Variants in SAMD5 observed in about 807,000 individuals in gnomAD.
The protein encoded by SAMD5 is sterile alpha motif domain-containing protein 5.
A neutral mutation model predicts 11.3 loss-of-function variants in SAMD5; 13 were observed. That is an observed-to-expected ratio of 1.15 (90% CI 0.75 to 1.83). The LOEUF is 1.83. Ranked by LOEUF, SAMD5 falls within the 40% of genes most tolerant of loss-of-function variation. The probability of loss-of-function intolerance (pLI) is 0.00; values close to 1 mark genes in which losing one functional copy is unlikely to be tolerated. For synonymous variants in SAMD5, 129 were observed against 111.3 expected, an observed-to-expected ratio of 1.16 and a Z score of -1.00; for missense variants, 255 against 239.1, an observed-to-expected ratio of 1.07 and a Z score of -0.44.
chr6:147,932,848 C>T, the SAMD5 span, among the ~76,000 whole-genome samples: 4 of 152,046 alleles, frequency 2.6e-5, no homozygotes, highest in African/African-American at 7.2e-5. Context: ...AATAGCCATT[C>T]GATGACTGAT....
the SAMD5 span, among the ~76,000 whole-genome samples, chr6:147,812,067 G>C: frequency 2.0e-5 from 3 of 152,168 alleles, no homozygotes; most frequent in African/African-American, 7.2e-5. Context: ...AAGAACCAAG[G>C]AGAGTCTCAG....
intron 1 of SAMD5, among the ~76,000 whole-genome samples, chr6:147,676,790 C>T (rs1022819005): frequency 1.6e-4 from 21 of 130,008 alleles, no homozygotes; most frequent in African/African-American, 5.7e-4. Flanking sequence ...GAGATTGCCA[C>T]GAGCAAAGCA....
At chr6:147,604,288 T>G (rs1663364072) in intron 1 of SAMD5, among the ~76,000 whole-genome samples, 1 of 152,086 alleles carries the variant, frequency 6.6e-6, no homozygotes, top group South Asian at 2.1e-4. Flanking sequence ...AAAAGTCTCA[T>G]TTTTAACATT....
At chr6:147,638,431 T>C (rs558665764) in intron 1 of SAMD5, among the ~76,000 whole-genome samples, 62 of 152,324 alleles carry the variant, frequency 4.1e-4, no homozygotes, top group African/African-American at 1.4e-3. Flanking sequence ...AATTACATTT[T>C]CTCCATCCAT....
rs73020122 is a variant in SAMD5, at chr6:147,508,708, T to G, written c.-221T>G. ...AGCAGCCAGTGCCTGCGAGCTCCGC[T>G]GCTGCTTGGGGAATTCACTTTGCTG... On this transcript the variant is annotated 5_prime_UTR_variant, in exon 1 of 2. Transcript: ENST00000367474. Among the ~76,000 whole-genome samples, 46,156 of 152,106 alleles carry G rather than the reference T, an allele frequency of 0.3. 7,272 individuals are homozygous for G. Among genetic ancestry groups the G allele is most frequent in the African/African-American group, 0.39 (16,110 of 41,506 alleles).
At chr6:147,893,004 G>A in the SAMD5 span, among the ~76,000 whole-genome samples, 5,832 of 152,048 alleles carry the variant, frequency 0.038, 383 homozygotes, top group African/African-American at 0.13. Context: ...CCTGAAGTCC[G>A]GAGTTCAAGA....
intron 1 of SAMD5, among the ~76,000 whole-genome samples, chr6:147,633,311 G>T (rs144502552): frequency 6.6e-6 from 1 of 152,062 alleles, no homozygotes; most frequent in African/African-American, 2.4e-5. Flanking sequence ...AAATTCCAGC[G>T]GGCACCGCCT....
At chr6:147,935,071 C>T in the SAMD5 span, among the ~76,000 whole-genome samples, 50,984 of 152,006 alleles carry the variant, frequency 0.34, 9,121 homozygotes, top group South Asian at 0.52. Flanking sequence ...AGGTTCGTAA[C>T]GTGCAATGTG....
chr6:147,764,816 A>C, the SAMD5 span, among the ~76,000 whole-genome samples: 1 of 152,190 alleles, frequency 6.6e-6, no homozygotes, highest in Non-Finnish European at 1.5e-5. Flanking sequence ...TATCATGTAC[A>C]TGGATACAAT....
the SAMD5 span, among the ~76,000 whole-genome samples, chr6:147,855,658 G>A: frequency 3.7e-3 from 568 of 152,120 alleles, 5 homozygotes; most frequent in African/African-American, 0.013. Context: ...TTGGGTTCAC[G>A]TGGCTAAGTT....
intron 1 of SAMD5, among the ~76,000 whole-genome samples, chr6:147,603,356 G>C (rs1303910739): frequency 6.6e-6 from 1 of 152,010 alleles, no homozygotes; most frequent in Non-Finnish European, 1.5e-5. Context: ...TATACTGATG[G>C]GTTTATATTG....
the SAMD5 span, among the ~76,000 whole-genome samples, chr6:147,792,650 C>T: frequency 6.6e-6 from 1 of 151,910 alleles, no homozygotes; most frequent in Non-Finnish European, 1.5e-5. Context: ...ATCAAGGATC[C>T]CTGAAGAAAT....
chr6:147,912,467 C>CTTTAA, the SAMD5 span, among the ~76,000 whole-genome samples: 14,455 of 152,190 alleles, frequency 0.095, 907 homozygotes, highest in South Asian at 0.15. Context: ...AGCTGCTTAA[C>CTTTAA]TTTAAATAGC....
the SAMD5 span, among the ~76,000 whole-genome samples, chr6:147,774,438 C>G: frequency 6.6e-6 from 1 of 152,126 alleles, no homozygotes; most frequent in Non-Finnish European, 1.5e-5. Context: ...TTCTCAGGTT[C>G]CTTATATAAA....
At chr6:147,761,541 T>C in the SAMD5 span, among the ~76,000 whole-genome samples, 1 of 152,134 alleles carries the variant, frequency 6.6e-6, no homozygotes, top group African/African-American at 2.4e-5. Context: ...TATAATGTAA[T>C]TATTATATAA....
chr6:147,878,605 CTATATAGATATATATGTAT>C, the SAMD5 span, among the ~76,000 whole-genome samples: 1 of 141,954 alleles, frequency 7.0e-6, no homozygotes, highest in East Asian at 2.0e-4. Flanking sequence ...ACATATATAT[CTATATAGATATATATGTAT>C]ATATATCTAT....
chr6:147,857,357 A>G, the SAMD5 span, among the ~76,000 whole-genome samples: 1 of 148,830 alleles, frequency 6.7e-6, no homozygotes, highest in South Asian at 2.1e-4. Flanking sequence ...AAAAAAAAAA[A>G]TTAGCCAGTC....
chr6:147,619,261 G>A (rs1789921577), intron 1 of SAMD5, among the ~76,000 whole-genome samples: 1 of 152,228 alleles, frequency 6.6e-6, no homozygotes, highest in South Asian at 2.1e-4. Context: ...CCATGTATTT[G>A]AAATGAATTA....
intron 1 of SAMD5, among the ~76,000 whole-genome samples, chr6:147,613,879 C>T (rs1160917954): frequency 9.2e-5 from 14 of 151,936 alleles, no homozygotes; most frequent in African/African-American, 2.2e-4. Context: ...CTCCCAGCTG[C>T]ATTCATCCAC....
Sources: gnomAD v4.1 joint callset for allele counts (sites outside exome capture counted in the v4.1 genomes callset) on GRCh38, gnomAD v4.1.1 for gene constraint, MANE v1.5 for transcripts, NCBI Gene and HGNC (gene_info 2026-07-23, HGNC 2026-07-21) for gene names.